The following ST8SIA2 variants were observed in gnomAD, a reference collection of about 807,000 sequenced individuals.
ST8SIA2 encodes the protein alpha-2,8-sialyltransferase 8B.
A neutral mutation model predicts 37.6 loss-of-function variants in ST8SIA2; 22 were observed. The observed-to-expected ratio is 0.58, with a 90% CI of 0.42 to 0.83. The LOEUF is 0.83. Ranked by LOEUF, ST8SIA2 falls within the 40% of genes least tolerant of loss-of-function variation. The pLI is 0.00. For synonymous variants in ST8SIA2, 205 were observed against 201.2 expected, an observed-to-expected ratio of 1.02 and a Z score of -0.16; for missense variants, 382 against 484.7, an observed-to-expected ratio of 0.79 and a Z score of 1.99.
At chr15:92,455,990 C>T (rs1778556117) in intron 5 of ST8SIA2, among the ~76,000 whole-genome samples, 1 of 152,196 alleles carries the variant, frequency 6.6e-6, no homozygotes, top group Non-Finnish European at 1.5e-5. Context: ...AAATTGGATT[C>T]CTTTGATTAT....
chr15:92,396,981 C>T (rs1438660941), intron 1 of ST8SIA2, among the ~76,000 whole-genome samples: 3 of 152,280 alleles, frequency 2.0e-5, no homozygotes, highest in East Asian at 3.9e-4. Flanking sequence ...CAGCCCTGCC[C>T]CTCCATCCCC....
chr15:92,464,497 G>T lies in ST8SIA2; in HGVS notation c.*112G>T. The T allele has an allele frequency of 8.1e-7, 1 of 1,237,932 alleles. No homozygotes were observed. The highest frequency in any genetic ancestry group is 1.2e-6 in the Non-Finnish European group (1 of 844,638). 76.7% of individuals were successfully genotyped at this position (1,237,932 alleles called of 1,614,324 possible). The stretch of plus-strand genomic sequence containing the variant: ...AACAAGCAGGCTAGTGGTTTTCTTT[G>T]TTAAAGTGTAAAACAGTGACCAGAA... On this transcript the variant is annotated 3_prime_UTR_variant, in exon 6 of 6. Coordinates refer to ENST00000268164, the MANE Select transcript of ST8SIA2 (RefSeq NM_006011.4).
At chr15:92,429,196 G>A (rs765121660) in intron 1 of ST8SIA2, among the ~76,000 whole-genome samples, 3 of 152,118 alleles carry the variant, frequency 2.0e-5, no homozygotes, top group South Asian at 2.1e-4. Flanking sequence ...TCCCCACACC[G>A]CATACCCCAT....
At chr15:92,438,851 A>G (rs1203044277) in intron 4 of ST8SIA2, among the ~76,000 whole-genome samples, 1 of 152,168 alleles carries the variant, frequency 6.6e-6, no homozygotes, top group Admixed American at 6.5e-5. Flanking sequence ...GGTGCGGGCA[A>G]CCCAGGGAGC....
chr15:92,448,640 C>T (rs1354994037), intron 5 of ST8SIA2, among the ~76,000 whole-genome samples: 4 of 152,198 alleles, frequency 2.6e-5, no homozygotes, highest in Admixed American at 2.6e-4. Context: ...ATTAATCAAT[C>T]GTGCCTACTG....
chr15:92,406,026 T>C (rs899729120), intron 1 of ST8SIA2, among the ~76,000 whole-genome samples: 1 of 152,226 alleles, frequency 6.6e-6, no homozygotes, highest in African/African-American at 2.4e-5. Context: ...CTAAACTGTT[T>C]CTGGCTCAAG....
intron 1 of ST8SIA2, among the ~76,000 whole-genome samples, chr15:92,424,195 C>T (rs1041376490): frequency 1.3e-5 from 2 of 152,182 alleles, no homozygotes; most frequent in Non-Finnish European, 2.9e-5. Context: ...TTAAAATTGT[C>T]AGCTCCTGAA....
Position 92,444,910 on chromosome 15 carries a change from C to T in ST8SIA2, c.823C>T (p.Leu275=), listed in dbSNP as rs760899092. ...NVRTAYPSLR[L]LHAVRGYWLT... is the part of the protein sequence containing the mutation. ...GCGCACTGCATACCCCTCGCTGCGCCTGCTGCACGCCGTTCGCGGGTGAGC... is the reference window on the plus strand; with the variant it reads ...GCGCACTGCATACCCCTCGCTGCGCTTGCTGCACGCCGTTCGCGGGTGAGC... Residue 275 remains leucine, a synonymous_variant, in exon 5 of 6, where the codon CTG becomes TTG. Coordinates refer to ENST00000268164, the MANE Select transcript of ST8SIA2 (RefSeq NM_006011.4). 1.2e-5 allele frequency: 19 copies of T among 1,612,238 alleles called. No individual in the cohort carries two copies. Among genetic ancestry groups the T allele is most frequent in the Non-Finnish European group, 1.4e-5 (17 of 1,180,042 alleles).
Position 92,401,874 on chromosome 15 carries a change from A to G in ST8SIA2, c.98+7712A>G, listed in dbSNP as rs1296141219. 4.0e-5 allele frequency among the ~76,000 whole-genome samples: 6 copies of G among 151,588 alleles called. No individual in the cohort carries two copies. The East Asian group carries it at 1.2e-3, about 29-fold the overall frequency. ...ACCCCTAGGTCAGTGGTTCCCAAAT[A>G]GTGAGCCACAGAGGAGTGGTGATCT... On this transcript the variant is annotated intron_variant, in intron 1 of 5. Transcript: ENST00000268164.
intron 1 of ST8SIA2, among the ~76,000 whole-genome samples, chr15:92,398,465 C>T (rs562065619): frequency 1.8e-4 from 27 of 152,358 alleles, no homozygotes; most frequent in African/African-American, 6.0e-4. Flanking sequence ...ATGATGATCA[C>T]GGTTAGCATT....
Position 92,438,584 on chromosome 15 carries a change from G to A in ST8SIA2, c.522G>A (p.Glu174=), listed in dbSNP as rs1402779863. 3 of 1,610,482 alleles carry A rather than the reference G, an allele frequency of 1.9e-6. No homozygotes were observed. The South Asian group carries it at 3.3e-5, about 18-fold the overall frequency. Residue 174 remains glutamate, a synonymous_variant, in exon 4 of 6, where the codon GAG becomes GAA. Transcript: ENST00000268164. The stretch of plus-strand genomic sequence containing the variant: ...TGCTGAACAGCGGCTGTGGGCAGGA[G>A]ATTGACGCCCACAGCTTCGTCATCA... ...GVLLNSGCGQ[E]IDAHSFVIRC... is the part of the protein sequence containing the mutation.
chr15:92,455,451 G>A (rs548585208), intron 5 of ST8SIA2, among the ~76,000 whole-genome samples: 39 of 152,172 alleles, frequency 2.6e-4, no homozygotes, highest in South Asian at 4.2e-4. Context: ...ACTCCGCTCC[G>A]CACCCCCTGT....
intron 5 of ST8SIA2, among the ~76,000 whole-genome samples, chr15:92,453,416 C>G (rs1284287424): frequency 2.0e-5 from 3 of 152,164 alleles, no homozygotes; most frequent in African/African-American, 7.2e-5. Flanking sequence ...GAATTAGAAC[C>G]AACTCAACCA....
At chr15:92,459,538 G>T (rs1488673829) in intron 5 of ST8SIA2, among the ~76,000 whole-genome samples, 1 of 152,192 alleles carries the variant, frequency 6.6e-6, no homozygotes, top group Non-Finnish European at 1.5e-5. Context: ...AGTCTAGGAG[G>T]CCCATGCGTT....
chr15:92,456,143 G>A (rs75520114), intron 5 of ST8SIA2, among the ~76,000 whole-genome samples: 3,856 of 152,382 alleles, frequency 0.025, 62 homozygotes, highest in Middle Eastern at 0.065. Flanking sequence ...ACCTGGGCAT[G>A]AGCAGTAGTC....
At chr15:92,404,105 C>T (rs750572637) in intron 1 of ST8SIA2, among the ~76,000 whole-genome samples, 3 of 152,222 alleles carry the variant, frequency 2.0e-5, no homozygotes, top group Non-Finnish European at 2.9e-5. Flanking sequence ...CAGAATGGCT[C>T]ACTTAGGTAT....
chr15:92,458,365 A>T (rs1328768462), intron 5 of ST8SIA2, among the ~76,000 whole-genome samples: 1 of 152,196 alleles, frequency 6.6e-6, no homozygotes, highest in Non-Finnish European at 1.5e-5. Flanking sequence ...TCGGGCCAGA[A>T]CTAGTCACTT....
At chr15:92,396,754 G>A (rs187571516) in intron 1 of ST8SIA2, among the ~76,000 whole-genome samples, 2 of 152,298 alleles carry the variant, frequency 1.3e-5, no homozygotes, top group East Asian at 3.9e-4. Context: ...CTCCCAAAGT[G>A]CTGGGATTAC....
intron 5 of ST8SIA2, among the ~76,000 whole-genome samples, chr15:92,455,477 C>G (rs554627589): frequency 6.6e-6 from 1 of 152,342 alleles, no homozygotes; most frequent in East Asian, 1.9e-4. Flanking sequence ...TCCACAGAAG[C>G]AAGCTGTTAA....
Sources: gnomAD v4.1 joint callset for allele counts (sites outside exome capture counted in the v4.1 genomes callset) on GRCh38, gnomAD v4.1.1 for gene constraint, MANE v1.5 for transcripts, NCBI Gene and HGNC (gene_info 2026-07-23, HGNC 2026-07-21) for gene names.